SNX13: variants seen among roughly 807,000 people sequenced by gnomAD.
SNX13 encodes the protein sorting nexin 13, also known as sorting nexin-13.
In SNX13, 45 loss-of-function variants were observed where a neutral mutation model predicts 133.6. The observed-to-expected ratio is 0.34, with a 90% CI of 0.27 to 0.43. The LOEUF is 0.43. Ranked by LOEUF, SNX13 falls within the 20% of genes least tolerant of loss-of-function variation. The probability of loss-of-function intolerance (pLI) is 1.00; values close to 1 mark genes in which losing one functional copy is unlikely to be tolerated. For missense variants in SNX13, 1,032 were observed against 1,145.1 expected, an observed-to-expected ratio of 0.90 and a Z score of 1.43; for synonymous variants, 414 against 373.9, an observed-to-expected ratio of 1.11 and a Z score of -1.24.
At chr7:17,903,025 A>AC (rs1191134035) in intron 1 of SNX13, among the ~76,000 whole-genome samples, 3 of 152,142 alleles carry the variant, frequency 2.0e-5, no homozygotes, top group Non-Finnish European at 4.4e-5. Context: ...CTTCCATGAA[A>AC]CTGGGGGTCC....
intron 16 of SNX13, among the ~76,000 whole-genome samples, chr7:17,829,435 T>C (rs961561525): frequency 6.6e-6 from 1 of 151,500 alleles, no homozygotes; most frequent in East Asian, 1.9e-4. Flanking sequence ...CCAATGACAG[T>C]TGAGATTCTA....
At chr7:17,904,731 C>G (rs1798211729) in intron 1 of SNX13, among the ~76,000 whole-genome samples, 1 of 152,104 alleles carries the variant, frequency 6.6e-6, no homozygotes, top group African/African-American at 2.4e-5. Context: ...ACTTGAGTCA[C>G]AGAAATTATA....
chr7:17,895,419 T>G (rs1797096407), intron 2 of SNX13, among the ~76,000 whole-genome samples: 1 of 152,056 alleles, frequency 6.6e-6, no homozygotes, highest in East Asian at 1.9e-4. Flanking sequence ...TATTAAAAAA[T>G]AAGGAGTTAA....
In SNX13 at chr7:17,873,759, T is replaced by C. The variant is rs1340882369; in HGVS notation, c.665-143A>G. The C allele has an allele frequency of 6.7e-5, 26 of 388,226 alleles. No individual in the cohort carries two copies. In the Admixed American group the frequency reaches 1.1e-3, roughly 17 times the overall value. The allele number at this position is 388,226 out of a possible 1,614,324, so 24.0% of individuals were successfully genotyped here. ...TATTTTAGTAATTAGTACACATCAG[T>C]ATTCATTAAAAATTCCTTCATTATT... On this transcript the variant is annotated intron_variant, in intron 7 of 25. Coordinates refer to ENST00000428135, the MANE Select transcript of SNX13 (RefSeq NM_015132.5).
chr7:17,803,222 A>C (rs1418758310), intron 21 of SNX13, among the ~76,000 whole-genome samples, 197 bp downstream of exon 21: 1 of 152,208 alleles, frequency 6.6e-6, no homozygotes, highest in African/African-American at 2.4e-5. Context: ...AGAGACTAAC[A>C]AGCAAGTGGA....
At chr7:17,861,012 C>T (rs1417099965) in intron 9 of SNX13, among the ~76,000 whole-genome samples, 3 of 151,926 alleles carry the variant, frequency 2.0e-5, no homozygotes, top group Non-Finnish European at 1.5e-5. Flanking sequence ...TATGTGTTTC[C>T]ATTTATTTGT....
chr7:17,900,858 C>G (rs1326370013), intron 1 of SNX13, among the ~76,000 whole-genome samples: 1 of 152,136 alleles, frequency 6.6e-6, no homozygotes, highest in Non-Finnish European at 1.5e-5. Context: ...ACTCTTCCCT[C>G]TCCTTTTCTC....
At chr7:17,861,602 A>AG (rs1185489800) in intron 9 of SNX13, among the ~76,000 whole-genome samples, 3 of 152,272 alleles carry the variant, frequency 2.0e-5, no homozygotes, top group African/African-American at 7.2e-5. Flanking sequence ...AAAATGACAG[A>AG]GTATGACCTT....
At chr7:17,820,966 T>C (rs960002846) in intron 18 of SNX13, among the ~76,000 whole-genome samples, 2 of 152,128 alleles carry the variant, frequency 1.3e-5, no homozygotes, top group African/African-American at 4.8e-5. Flanking sequence ...TTTTAAATTA[T>C]TTCTATAAAA....
chr7:17,838,728 T>C (rs1189802334), intron 13 of SNX13, among the ~76,000 whole-genome samples: 3 of 151,882 alleles, frequency 2.0e-5, no homozygotes, highest in African/African-American at 2.4e-5. Flanking sequence ...TTTAGAAATA[T>C]GTTGTTTAAT....
At chr7:17,861,342 TCACACA>T (rs59119505) in intron 9 of SNX13, among the ~76,000 whole-genome samples, 39,712 of 142,970 alleles carry the variant, frequency 0.28, 5,619 homozygotes, top group Admixed American at 0.31. Flanking sequence ...TACAGTTATC[TCACACA>T]CACACACACA....
intron 20 of SNX13, among the ~76,000 whole-genome samples, chr7:17,810,257 A>T (rs1322087579): frequency 1.3e-5 from 2 of 152,194 alleles, no homozygotes; most frequent in Non-Finnish European, 2.9e-5. Context: ...GAAGAATCAA[A>T]TAGACACAAT....
intron 8 of SNX13, among the ~76,000 whole-genome samples, chr7:17,870,569 G>A (rs1162374454): frequency 6.6e-6 from 1 of 152,116 alleles, no homozygotes; most frequent in East Asian, 1.9e-4. Context: ...CTGTAACAAG[G>A]CAGATTTTCA....
At chr7:17,929,959 T>G (rs1031705947) in intron 1 of SNX13, among the ~76,000 whole-genome samples, 2 of 152,188 alleles carry the variant, frequency 1.3e-5, no homozygotes, top group East Asian at 3.8e-4. Context: ...AGGATTACTC[T>G]TGACATTTTA....
chr7:17,879,835 A>C (rs1262349877), intron 5 of SNX13: 1 of 152,236 alleles, frequency 6.6e-6, no homozygotes, highest in Non-Finnish European at 1.5e-5. Flanking sequence ...AATCAAAGGC[A>C]TCAGTGCCAG....
At chr7:17,864,418 A>G (rs1422784401) in intron 9 of SNX13, among the ~76,000 whole-genome samples, 1 of 152,196 alleles carries the variant, frequency 6.6e-6, no homozygotes, top group East Asian at 1.9e-4. Flanking sequence ...GAATTGGTCC[A>G]GCAAAAGGAA....
chr7:17,875,395 ATTTTACCCT>A lies in SNX13; in HGVS notation c.664+76_664+84del, dbSNP rs1583579018. On this transcript the variant is annotated intron_variant, in intron 7 of 25. Transcript: ENST00000428135. ...ATGCTACCTGCCCTAAGTAAGAATAATTTTACCCTTAGATTTTTTCACTGGTTCTGCTAA... is the reference window on the plus strand; with the variant it reads ...ATGCTACCTGCCCTAAGTAAGAATAATAGATTTTTTCACTGGTTCTGCTAA... 17 of 1,071,670 alleles carry A rather than the reference ATTTTACCCT, an allele frequency of 1.6e-5. No homozygotes were observed. The East Asian group carries it at 4.2e-4, about 26-fold the overall frequency. The allele number at this position is 1,071,670 out of a possible 1,614,324, so 66.4% of individuals were successfully genotyped here. A position where few individuals can be genotyped will look rare whatever the true frequency, so the allele number is the denominator to read the frequency against.
rs1023667048 is a variant in SNX13 at position 17,793,035 on chromosome 7, G to A, written c.*1010C>T. 6.6e-6 allele frequency: 1 copy of A among 151,444 alleles called. No homozygotes were observed. The highest frequency in any genetic ancestry group is 1.5e-5 in the Non-Finnish European group (1 of 67,578). 9.4% of individuals were successfully genotyped at this position (151,444 alleles called of 1,614,324 possible). On this transcript the variant is annotated 3_prime_UTR_variant, in exon 26 of 26. Coordinates refer to ENST00000428135, the MANE Select transcript of SNX13 (RefSeq NM_015132.5). ...TATATGTACACTGTCATAGAATTAG[G>A]AATCTGTATGTTTACTATGACTAAT...
intron 1 of SNX13, among the ~76,000 whole-genome samples, chr7:17,918,682 A>G (rs1019880105): frequency 6.6e-6 from 1 of 152,236 alleles, no homozygotes; most frequent in East Asian, 1.9e-4. Context: ...GCCCCTGTAG[A>G]AAGCAGTTTA....
Sources: gnomAD v4.1 joint callset for allele counts (sites outside exome capture counted in the v4.1 genomes callset) on GRCh38, gnomAD v4.1.1 for gene constraint, MANE v1.5 for transcripts, NCBI Gene and HGNC (gene_info 2026-07-23, HGNC 2026-07-21) for gene names.